DCTN2: variants seen among roughly 807,000 people sequenced by gnomAD.
DCTN2 encodes the protein dynactin subunit 2.
Under a neutral mutation model 55.4 loss-of-function variants are expected in DCTN2, and 18 were observed. The ratio of observed to expected loss-of-function variants is 0.32; its 90% CI spans 0.22 to 0.48. The LOEUF (loss-of-function observed/expected upper bound fraction) is 0.48. DCTN2 is among the 20% of genes least tolerant of loss of function. DCTN2 has a pLI of 0.99. For synonymous variants in DCTN2, 168 were observed against 185.2 expected (o/e 0.91, Z 0.76); for missense variants, 390 against 491.0 (o/e 0.79, Z 1.94).
At chr12:57,544,141 C>G (rs905318985) in intron 2 of DCTN2, 6 of 453,722 alleles carry the variant, frequency 1.3e-5, no homozygotes, top group South Asian at 9.3e-5. Context: ...CTAAGTTGAA[C>G]AGTCTGAACT....
intron 2 of DCTN2, chr12:57,541,404 G>A: frequency 6.3e-7 from 1 of 1,598,992 alleles, no homozygotes; most frequent in South Asian, 1.1e-5. Flanking sequence ...GAGGAGGGAG[G>A]ATGGGGGAAG....
chr12:57,536,734 T>C (rs944391547), intron 2 of DCTN2, among the ~76,000 whole-genome samples: 1 of 152,068 alleles, frequency 6.6e-6, no homozygotes, highest in Non-Finnish European at 1.5e-5. Flanking sequence ...TTACTAGATA[T>C]CTACATGCTG....
At chr12:57,538,201 G>C (rs553837341) in intron 2 of DCTN2, 52 of 454,358 alleles carry the variant, frequency 1.1e-4, no homozygotes, top group Non-Finnish European at 1.7e-4. Flanking sequence ...CACAGGGACA[G>C]AGAGCATTTT....
At chr12:57,541,467 T>C (rs1259037789) in intron 2 of DCTN2, 1 of 1,250,658 alleles carries the variant, frequency 8.0e-7, no homozygotes, top group Admixed American at 1.7e-5. Flanking sequence ...ATGAACACAA[T>C]CAAGCATACT....
chr12:57,538,668 C>T (rs906843951), intron 2 of DCTN2: 1 of 642,476 alleles, frequency 1.6e-6, no homozygotes, highest in African/African-American at 1.8e-5. Context: ...CAACACACTG[C>T]ACCACAGGGC....
At chr12:57,542,869 A>G in intron 2 of DCTN2, 4 of 456,010 alleles carry the variant, frequency 8.8e-6, no homozygotes, top group Non-Finnish European at 4.4e-6. Flanking sequence ...ACAAGAGTCT[A>G]TCCATATTGG....
At chr12:57,534,881 G>T in intron 5 of DCTN2, 175 bp downstream of exon 5, 2 of 536,194 alleles carry the variant, frequency 3.7e-6, no homozygotes, top group Non-Finnish European at 6.6e-6. Flanking sequence ...TGTTGGCCTG[G>T]CTGGTCTTGA....
At chr12:57,532,483 C>A in intron 11 of DCTN2, 89 bp downstream of exon 11, 1 of 1,448,318 alleles carries the variant, frequency 6.9e-7, no homozygotes, top group Non-Finnish European at 9.7e-7. Flanking sequence ...AGATGGGGAC[C>A]TGAGGAGTCA....
At chr12:57,543,665 G>T in intron 2 of DCTN2, 2 of 686,838 alleles carry the variant, frequency 2.9e-6, no homozygotes, top group African/African-American at 1.9e-5. Context: ...AAACATCTTG[G>T]CTCTTCGGGC....
intron 1 of DCTN2, 56 bp from the exon 2 acceptor site, chr12:57,546,152 C>T: frequency 6.6e-7 from 1 of 1,503,860 alleles, no homozygotes; most frequent in Non-Finnish European, 9.3e-7. Context: ...AACAACACCC[C>T]TTCCCCCACT....
rs374915852 is a variant in DCTN2 at position 57,532,941 on chromosome 12, A to G, written c.774+43T>C. ...CCTCAAAGCAAACCCAAACCCAACT[A>G]TCCCCTCTGTGATCCAAACACTCCA... On this transcript the variant is annotated intron_variant, in intron 9 of 13. Coordinates refer to ENST00000548249, the MANE Select transcript of DCTN2 (RefSeq NM_001261413.2). 5.0e-6 allele frequency: 8 copies of G among 1,597,770 alleles called. No homozygotes were observed. In the African/African-American group the frequency reaches 9.4e-5, roughly 19 times the overall value.
Position 57,535,587 on chromosome 12 carries a change from C to T in DCTN2, c.203-42G>A, listed in dbSNP as rs1880164929. Reference sequence around the variant, plus strand: ...ATGGAACTGAGGGCCTGATCTAGGCCCAAGGCAGTCATGGTCTCAGGTGAC... The same window carrying T: ...ATGGAACTGAGGGCCTGATCTAGGCTCAAGGCAGTCATGGTCTCAGGTGAC... On this transcript the variant is annotated intron_variant, in intron 3 of 13. Coordinates refer to ENST00000548249, the MANE Select transcript of DCTN2 (RefSeq NM_001261413.2). 8 of 1,608,830 alleles carry T rather than the reference C, an allele frequency of 5.0e-6. No individual in the cohort carries two copies. The East Asian group carries it at 1.8e-4, about 36-fold the overall frequency.
chr12:57,536,623 T>C (rs932348134), intron 2 of DCTN2, among the ~76,000 whole-genome samples: 1 of 152,220 alleles, frequency 6.6e-6, no homozygotes, highest in Non-Finnish European at 1.5e-5. Context: ...CCCTGACTCC[T>C]CTGCTATGCT....
At chr12:57,539,987 G>A in intron 2 of DCTN2, 2 of 610,630 alleles carry the variant, frequency 3.3e-6, no homozygotes, top group South Asian at 7.2e-5. Flanking sequence ...GGCAGGCGGA[G>A]GTTGCAGTGA....
At chr12:57,534,611 T>C (rs1880066309) in intron 5 of DCTN2, 159 bp from the exon 6 acceptor site, 1 of 616,722 alleles carries the variant, frequency 1.6e-6, no homozygotes, top group African/African-American at 1.9e-5. Flanking sequence ...TACAGATGGA[T>C]GCATATTTGT....
At chr12:57,540,161 A>C in intron 2 of DCTN2, 1 of 975,550 alleles carries the variant, frequency 1.0e-6, no homozygotes, top group Non-Finnish European at 1.2e-6. Flanking sequence ...ATAAGTGCAA[A>C]CATGCAAACA....
intron 2 of DCTN2, chr12:57,541,471 G>C: frequency 2.5e-6 from 3 of 1,219,318 alleles, no homozygotes; most frequent in Non-Finnish European, 3.6e-6. Context: ...ACACAATCAA[G>C]CATACTCCAG....
rs11386483 is a variant in DCTN2 at position 57,543,348 on chromosome 12, C to CAAAA, written c.105+2676_105+2679dup. On this transcript the variant is annotated intron_variant, in intron 2 of 13. Coordinates refer to ENST00000548249, the MANE Select transcript of DCTN2 (RefSeq NM_001261413.2). ...TGGGCGACAGAGTGAGACTCCGTCTCAAAAAAAAAAGAAAAAAAAAGAAGG... is the reference window on the plus strand; with the variant it reads ...TGGGCGACAGAGTGAGACTCCGTCTCAAAAAAAAAAAAAAGAAAAAAAAAGAAGG... Among the ~76,000 whole-genome samples the CAAAA allele has an allele frequency of 1.5e-4, 16 of 104,014 alleles. 4 individuals are homozygous for CAAAA. Among genetic ancestry groups the CAAAA allele is most frequent in the Non-Finnish European group, 2.5e-4 (13 of 52,544 alleles). 68.2% of individuals were successfully genotyped at this position (104,014 alleles called of 152,430 possible). A position where few individuals can be genotyped will look rare whatever the true frequency, so the allele number is the denominator to read the frequency against.
chr12:57,533,522 A>G (rs1028803811), intron 7 of DCTN2, among the ~76,000 whole-genome samples: 1 of 152,192 alleles, frequency 6.6e-6, no homozygotes, highest in African/African-American at 2.4e-5. Context: ...CTGTAATCCC[A>G]GTGCTTTGGG....
Sources: gnomAD v4.1 joint callset for allele counts (sites outside exome capture counted in the v4.1 genomes callset) on GRCh38, gnomAD v4.1.1 for gene constraint, MANE v1.5 for transcripts, NCBI Gene and HGNC (gene_info 2026-07-23, HGNC 2026-07-21) for gene names.